ST8SIA4: variants seen among roughly 807,000 people sequenced by gnomAD.
ST8SIA4 encodes the protein CMP-N-acetylneuraminate-poly-alpha-2,8-sialyltransferase.
In ST8SIA4, 15 loss-of-function variants were observed where a neutral mutation model predicts 33.9. The observed-to-expected ratio is 0.44, with a 90% CI of 0.30 to 0.68. The LOEUF is 0.68. Ranked by LOEUF, ST8SIA4 falls within the 30% of genes least tolerant of loss-of-function variation. The probability of loss-of-function intolerance (pLI) is 0.10; values close to 1 mark genes in which losing one functional copy is unlikely to be tolerated. For missense variants in ST8SIA4, 321 were observed against 428.0 expected (o/e 0.75, Z 2.21); for synonymous variants, 171 against 151.2 (o/e 1.13, Z -0.96).
At chr5:100,836,629 G>A (rs1005043336) in intron 4 of ST8SIA4, among the ~76,000 whole-genome samples, 1 of 151,926 alleles carries the variant, frequency 6.6e-6, no homozygotes, top group Non-Finnish European at 1.5e-5. Context: ...TAAATCTCAC[G>A]TTGACTTCTC....
intron 3 of ST8SIA4, among the ~76,000 whole-genome samples, chr5:100,876,645 C>A (rs917649690): frequency 6.6e-6 from 1 of 151,756 alleles, no homozygotes; most frequent in Non-Finnish European, 1.5e-5. Context: ...TTTTAGAGTT[C>A]CACATATAAA....
intron 2 of ST8SIA4, among the ~76,000 whole-genome samples, chr5:100,888,486 G>A (rs1194540082): frequency 2.0e-5 from 3 of 151,798 alleles, no homozygotes. Flanking sequence ...CACCTAGTTT[G>A]GAAATTGGAT....
intron 3 of ST8SIA4, among the ~76,000 whole-genome samples, chr5:100,872,794 C>T (rs953692422): frequency 2.0e-5 from 3 of 150,526 alleles, no homozygotes; most frequent in Non-Finnish European, 4.4e-5. Context: ...TGAGAATTGA[C>T]TAAACTGTCT....
chr5:100,853,476 A>G (rs1278071357), intron 4 of ST8SIA4, among the ~76,000 whole-genome samples: 2 of 152,210 alleles, frequency 1.3e-5, no homozygotes, highest in African/African-American at 4.8e-5. Context: ...GAGAGAAGTT[A>G]TTTCTACAGA....
intron 3 of ST8SIA4, among the ~76,000 whole-genome samples, chr5:100,882,883 T>C (rs1752455589): frequency 6.6e-6 from 1 of 152,318 alleles, no homozygotes; most frequent in East Asian, 1.9e-4. Context: ...TGAAGATGTA[T>C]GGAAATGCCT....
chr5:100,869,090 G>A (rs1752141287), intron 3 of ST8SIA4, among the ~76,000 whole-genome samples: 1 of 152,042 alleles, frequency 6.6e-6, no homozygotes, highest in Non-Finnish European at 1.5e-5. Context: ...ATTAGAGTGT[G>A]ATCACCTCAA....
chr5:100,808,333 C>T lies in ST8SIA4; in HGVS notation c.*3514G>A, dbSNP rs538533239. ...ACAATACATGAACACATTTGAATGC[C>T]CAGCACCTTCTTTCAGATAGAAAAA... On this transcript the variant is annotated 3_prime_UTR_variant, in exon 5 of 5. Transcript: ENST00000231461. 16 of 152,636 alleles carry T rather than the reference C, an allele frequency of 1.0e-4. No homozygotes were observed. The highest frequency in any genetic ancestry group is 3.6e-4 in the African/African-American group (15 of 41,522). 9.5% of individuals were successfully genotyped at this position (152,636 alleles called of 1,614,324 possible). A position where few individuals can be genotyped will look rare whatever the true frequency, so the allele number is the denominator to read the frequency against.
At chr5:100,886,671 A>G in intron 2 of ST8SIA4, 71 bp from the exon 3 acceptor site, 1 of 1,271,226 alleles carries the variant, frequency 7.9e-7, no homozygotes, top group African/African-American at 1.5e-5. Flanking sequence ...GTCATTTACA[A>G]AGTAACTTAA....
chr5:100,844,316 G>A (rs1400452099), intron 4 of ST8SIA4, among the ~76,000 whole-genome samples: 3 of 151,898 alleles, frequency 2.0e-5, no homozygotes, highest in African/African-American at 7.2e-5. Context: ...CATGTATTAT[G>A]TTTAAATATG....
chr5:100,841,246 T>C (rs906517334), intron 4 of ST8SIA4, among the ~76,000 whole-genome samples: 3 of 151,918 alleles, frequency 2.0e-5, no homozygotes, highest in Non-Finnish European at 4.4e-5. Flanking sequence ...TGATGCTTTT[T>C]GTAAACTGGG....
At chr5:100,834,278 C>A (rs1208186379) in intron 4 of ST8SIA4, among the ~76,000 whole-genome samples, 2 of 151,990 alleles carry the variant, frequency 1.3e-5, no homozygotes, top group Admixed American at 6.6e-5. Flanking sequence ...GCATAGAGAG[C>A]AGAATGCTTA....
intron 4 of ST8SIA4, among the ~76,000 whole-genome samples, chr5:100,820,162 A>G (rs1376760828): frequency 4.6e-5 from 7 of 152,306 alleles, no homozygotes; most frequent in Admixed American, 4.6e-4. Context: ...TGGTTTCACT[A>G]TGTCTAAAAC....
At chr5:100,815,246 A>G (rs1351731785) in intron 4 of ST8SIA4, among the ~76,000 whole-genome samples, 2 of 152,024 alleles carry the variant, frequency 1.3e-5, no homozygotes, top group Non-Finnish European at 2.9e-5. Context: ...AACATTACCT[A>G]TAATCCATCC....
At chr5:100,870,991 T>A (rs1752186930) in intron 3 of ST8SIA4, among the ~76,000 whole-genome samples, 1 of 152,098 alleles carries the variant, frequency 6.6e-6, no homozygotes, top group Admixed American at 6.6e-5. Context: ...TAAGTGGTTA[T>A]TCGTTTTAGT....
intron 4 of ST8SIA4, 68 bp from the exon 5 acceptor site, chr5:100,812,197 A>G: frequency 7.3e-7 from 1 of 1,363,270 alleles, no homozygotes; most frequent in Admixed American, 2.3e-5. Flanking sequence ...TCCTATAGCA[A>G]GTATATAATG....
intron 3 of ST8SIA4, among the ~76,000 whole-genome samples, chr5:100,873,484 C>T (rs990132422): frequency 2.0e-5 from 3 of 152,168 alleles, no homozygotes; most frequent in African/African-American, 7.2e-5. Flanking sequence ...TCTCTAGTAG[C>T]TTTGTTTAAA....
chr5:100,847,495 C>G (rs11738152), intron 4 of ST8SIA4, among the ~76,000 whole-genome samples: 42,579 of 151,844 alleles, frequency 0.28, 6,221 homozygotes, highest in Non-Finnish European at 0.32. Context: ...TAGACTTTAA[C>G]CTTTACTTTC....
chr5:100,814,696 T>C (rs1014584565), intron 4 of ST8SIA4, among the ~76,000 whole-genome samples: 3 of 151,942 alleles, frequency 2.0e-5, no homozygotes, highest in Non-Finnish European at 4.4e-5. Context: ...TTTGTGTTTA[T>C]TATCAACCTA....
At chr5:100,838,554 G>A (rs1244121689) in intron 4 of ST8SIA4, among the ~76,000 whole-genome samples, 1 of 151,690 alleles carries the variant, frequency 6.6e-6, no homozygotes, top group Non-Finnish European at 1.5e-5. Context: ...TGTAAATTAT[G>A]TATTTTTTTC....
Sources: allele counts gnomAD v4.1 joint callset (sites outside exome capture counted in the v4.1 genomes callset), GRCh38; gene constraint gnomAD v4.1.1; transcripts MANE v1.5; gene names NCBI Gene and HGNC (gene_info 2026-07-23, HGNC 2026-07-21).